The following PTPRD variants were observed in gnomAD, a reference collection of about 807,000 sequenced individuals.
PTPRD encodes protein tyrosine phosphatase receptor type D.
In PTPRD, 34 loss-of-function variants were observed where a neutral mutation model predicts 214.5. That is an observed-to-expected ratio of 0.16 (90% CI 0.12 to 0.21). The LOEUF is 0.21. Among genes scored for constraint, PTPRD ranks in the 10% least tolerant of loss-of-function variants. PTPRD has a pLI of 1.00. For missense variants in PTPRD, 2,545 were observed against 2,398.7 expected (o/e 1.06, Z -1.27); for synonymous variants, 1,128 against 845.7 (o/e 1.33, Z -5.79).
chr9:8,764,266 A>G (rs2094573312), intron 11 of PTPRD, among the ~76,000 whole-genome samples: 3 of 152,172 alleles, frequency 2.0e-5, no homozygotes, highest in African/African-American at 7.2e-5. Flanking sequence ...GTTTCATTAC[A>G]AAGGGTGGTA....
At chr9:8,437,272 A>G in intron 34 of PTPRD, 1 of 1,458,580 alleles carries the variant, frequency 6.9e-7, no homozygotes, top group South Asian at 1.3e-5. Flanking sequence ...AATAAAATAA[A>G]ATAGAACAAA....
chr9:8,377,082 G>T (rs2134956030), intron 37 of PTPRD, among the ~76,000 whole-genome samples: 1 of 152,200 alleles, frequency 6.6e-6, no homozygotes, highest in East Asian at 1.9e-4. Context: ...TCGGGAGGAT[G>T]ACACTTTGTC....
chr9:9,602,441 C>T (rs567876754), intron 7 of PTPRD, among the ~76,000 whole-genome samples: 1 of 152,012 alleles, frequency 6.6e-6, no homozygotes, highest in South Asian at 2.1e-4. Context: ...GAAACAATAA[C>T]CATCAATTCC....
chr9:9,659,243 T>A (rs1444992053), intron 7 of PTPRD, among the ~76,000 whole-genome samples: 1 of 152,116 alleles, frequency 6.6e-6, no homozygotes, highest in Non-Finnish European at 1.5e-5. Flanking sequence ...AAATTTTACA[T>A]ATGTGTAGCT....
chr9:8,974,926 G>A (rs919202688), intron 11 of PTPRD, among the ~76,000 whole-genome samples: 17 of 151,194 alleles, frequency 1.1e-4, no homozygotes, highest in South Asian at 6.3e-4. Context: ...GTGAAACCCC[G>A]TCTGTACTAA....
chr9:9,620,638 G>A (rs2095185857), intron 7 of PTPRD, among the ~76,000 whole-genome samples: 1 of 152,054 alleles, frequency 6.6e-6, no homozygotes, highest in African/African-American at 2.4e-5. Flanking sequence ...TCAATTTGAA[G>A]GTTATGACCT....
rs191190705 is a variant in PTPRD, at chr9:9,480,849, T to C, written c.-236-83367A>G. Reference sequence around the variant, plus strand: ...GGTACGTGGACTGTCTCTGATATCATATTTGAAAGAAGAAAGGACTGCTAA... The same window carrying C: ...GGTACGTGGACTGTCTCTGATATCACATTTGAAAGAAGAAAGGACTGCTAA... On this transcript the variant is annotated intron_variant, in intron 8 of 45. Transcript: ENST00000381196. Among the ~76,000 whole-genome samples, 456 of 152,232 alleles carry C rather than the reference T, an allele frequency of 3.0e-3. 2 individuals carry two copies. Among genetic ancestry groups the C allele is most frequent in the Non-Finnish European group, 3.8e-3 (261 of 68,006 alleles).
Position 8,376,726 on chromosome 9 carries a change from C to G in PTPRD, c.4387G>C (p.Val1463Leu), listed in dbSNP as rs1196357775. 1.2e-6 allele frequency: 2 copies of G among 1,612,724 alleles called. No individual in the cohort carries two copies. The highest frequency in any genetic ancestry group is 1.7e-6 in the Non-Finnish European group (2 of 1,179,134). Residue 1463 changes from valine to leucine, a missense_variant and splice_region_variant, in exon 38 of 46, where the codon GTG becomes CTG. Coordinates refer to ENST00000381196, the MANE Select transcript of PTPRD (RefSeq NM_002839.4). ...CTAGGCCAATACTGGTCACACTTCA[C>G]CTACAAGAAACAAGTGACACATTCA... ...MMTKLEERSRVKCDQYWPSRG... is the reference protein window; with the variant it reads ...MMTKLEERSRLKCDQYWPSRG...
chr9:10,609,115 A>T (rs926516470), intron 2 of PTPRD, among the ~76,000 whole-genome samples: 22 of 152,088 alleles, frequency 1.4e-4, no homozygotes, highest in African/African-American at 5.3e-4. Context: ...GATAGGTGTA[A>T]GCCCAAAAAT....
chr9:8,795,914 A>G (rs1255154274), intron 11 of PTPRD, among the ~76,000 whole-genome samples: 3 of 151,958 alleles, frequency 2.0e-5, no homozygotes, highest in Admixed American at 2.0e-4. Flanking sequence ...CGCATGTTCA[A>G]AAAAAAAGAA....
rs187397193 is a variant in PTPRD, at chr9:10,609,362, T to C, written c.-600+3036A>G. On this transcript the variant is annotated intron_variant, in intron 2 of 45. Transcript: ENST00000381196. ...CATTTCAGGTCACCTATTATCAAAT[T>C]ATTATATAAATTCTGTTCACTCACC... is the stretch of plus-strand genomic sequence containing the variant. Among the ~76,000 whole-genome samples the C allele has an allele frequency of 9.7e-4, 148 of 152,202 alleles. 1 individual carries two copies. Among genetic ancestry groups the C allele is most frequent in the African/African-American group, 3.3e-3 (138 of 41,562 alleles).
chr9:9,151,954 C>A (rs2099877160), intron 10 of PTPRD, among the ~76,000 whole-genome samples: 1 of 152,182 alleles, frequency 6.6e-6, no homozygotes, highest in African/African-American at 2.4e-5. Context: ...CTTTTTCAAT[C>A]ACTTAGGGAC....
At chr9:9,796,323 G>C (rs2099002151) in intron 5 of PTPRD, among the ~76,000 whole-genome samples, 1 of 152,144 alleles carries the variant, frequency 6.6e-6, no homozygotes, top group South Asian at 2.1e-4. Flanking sequence ...ATCATGGATA[G>C]AGTACTGAAA....
chr9:8,980,299 T>C, intron 11 of PTPRD, among the ~76,000 whole-genome samples: 1 of 151,934 alleles, frequency 6.6e-6, no homozygotes, highest in Non-Finnish European at 1.5e-5. Context: ...GATGAACAAG[T>C]TTAGAGATTT....
At chr9:10,491,506 A>G (rs73644471) in intron 2 of PTPRD, among the ~76,000 whole-genome samples, 4,223 of 152,100 alleles carry the variant, frequency 0.028, 180 homozygotes, top group African/African-American at 0.093. Flanking sequence ...ATGCTACATC[A>G]TTTTTATTGC....
At chr9:10,518,587 C>T (rs1179447970) in intron 2 of PTPRD, among the ~76,000 whole-genome samples, 1 of 151,316 alleles carries the variant, frequency 6.6e-6, no homozygotes, top group Non-Finnish European at 1.5e-5. Flanking sequence ...GGCTGGAGTG[C>T]AGCGGCCCAA....
chr9:10,009,955 C>A (rs747844279), intron 4 of PTPRD, among the ~76,000 whole-genome samples: 2 of 151,820 alleles, frequency 1.3e-5, no homozygotes, highest in Non-Finnish European at 2.9e-5. Flanking sequence ...TATAATGAAG[C>A]ATATCCAATT....
chr9:9,733,334 A>G (rs1206162360), intron 7 of PTPRD, among the ~76,000 whole-genome samples: 1 of 152,192 alleles, frequency 6.6e-6, no homozygotes, highest in Non-Finnish European at 1.5e-5. Flanking sequence ...GAAAGGCATC[A>G]TTCAGTGGCT....
At chr9:8,755,047 G>A (rs574700541) in intron 11 of PTPRD, among the ~76,000 whole-genome samples, 140 of 152,100 alleles carry the variant, frequency 9.2e-4, no homozygotes, top group Middle Eastern at 3.4e-3. Context: ...TCAGAAACTC[G>A]ACACCAGTAC....
Sources: allele counts gnomAD v4.1 joint callset (sites outside exome capture counted in the v4.1 genomes callset), GRCh38; gene constraint gnomAD v4.1.1; transcripts MANE v1.5; gene names NCBI Gene and HGNC (gene_info 2026-07-23, HGNC 2026-07-21).